Variants in NEGR1 observed in about 807,000 individuals in gnomAD.
The protein encoded by NEGR1 is IgLON family member 4.
In NEGR1, 10 loss-of-function variants were observed where a neutral mutation model predicts 40.9. That is an observed-to-expected ratio of 0.24 (90% CI 0.15 to 0.42). NEGR1 has a LOEUF of 0.42. NEGR1 is among the 10% of genes least tolerant of loss of function. The probability of loss-of-function intolerance (pLI) is 1.00; values close to 1 mark genes in which losing one functional copy is unlikely to be tolerated. For missense variants in NEGR1, 352 were observed against 438.9 expected (o/e 0.80, Z 1.77); for synonymous variants, 185 against 166.8 (o/e 1.11, Z -0.84).
At chr1:71,524,798 G>A (rs1647197964) in intron 6 of NEGR1, among the ~76,000 whole-genome samples, 1 of 151,744 alleles carries the variant, frequency 6.6e-6, no homozygotes, top group South Asian at 2.1e-4. Flanking sequence ...ATTCTTAAAT[G>A]CAAAAGAGGG....
intron 1 of NEGR1, among the ~76,000 whole-genome samples, chr1:72,165,984 C>T (rs995565678): frequency 2.0e-5 from 3 of 151,870 alleles, no homozygotes; most frequent in Non-Finnish European, 4.4e-5. Context: ...ACTTGAACTA[C>T]GTTAGGCAAT....
chr1:71,431,087 T>C, intron 6 of NEGR1, among the ~76,000 whole-genome samples: 1 of 151,820 alleles, frequency 6.6e-6, no homozygotes, highest in African/African-American at 2.4e-5. Context: ...TTTATGACCT[T>C]TTTTTTATGA....
At chr1:71,964,597 C>A (rs1646195281) in intron 1 of NEGR1, among the ~76,000 whole-genome samples, 1 of 152,136 alleles carries the variant, frequency 6.6e-6, no homozygotes. Flanking sequence ...AGGCCCCAGA[C>A]ATTTTTAAGC....
rs1268001178 is a variant in NEGR1 at position 72,207,171 on chromosome 1, CAA to C, written c.176+75146_176+75147del. 2.1e-5 allele frequency among the ~76,000 whole-genome samples: 3 copies of C among 143,404 alleles called. No individual in the cohort carries two copies. In the East Asian group the frequency reaches 6.3e-4, roughly 30 times the overall value. 94.1% of individuals were successfully genotyped at this position (143,404 alleles called of 152,430 possible). A position where few individuals can be genotyped will look rare whatever the true frequency, so the allele number is the denominator to read the frequency against. On this transcript the variant is annotated intron_variant, in intron 1 of 6. Coordinates refer to ENST00000357731, the MANE Select transcript of NEGR1 (RefSeq NM_173808.3). ...TGAAAAAAGAAAAGTTAAAAAAAAA[CAA>C]AAGTCAATATATATGTACCTCAAAC...
intron 1 of NEGR1, among the ~76,000 whole-genome samples, chr1:71,972,041 T>C (rs1420809017): frequency 6.6e-6 from 1 of 152,154 alleles, no homozygotes; most frequent in Non-Finnish European, 1.5e-5. Flanking sequence ...TATCATGGAG[T>C]GTTGCATACC....
intron 2 of NEGR1, among the ~76,000 whole-genome samples, chr1:71,785,080 A>C (rs577120426): frequency 6.6e-6 from 1 of 152,324 alleles, no homozygotes; most frequent in East Asian, 1.9e-4. Context: ...CCAGAATTCA[A>C]ATCACTGCTG....
chr1:72,193,458 G>A (rs1003143991), intron 1 of NEGR1, among the ~76,000 whole-genome samples: 5 of 151,598 alleles, frequency 3.3e-5, no homozygotes, highest in South Asian at 2.1e-4. Flanking sequence ...ATTTGTGGTC[G>A]TGCATTATAA....
intron 1 of NEGR1, among the ~76,000 whole-genome samples, chr1:72,187,791 G>T: frequency 6.6e-6 from 1 of 151,378 alleles, no homozygotes; most frequent in East Asian, 1.9e-4. Flanking sequence ...AACCCCGTTA[G>T]GTTAGGCACT....
rs74759515 is a variant in NEGR1, at chr1:72,007,323, C to A, written c.177-72012G>T. ...CCAAGAGGAAATTTAGGCTTAAATT[C>A]TTTTAAAACTTTCTTCTCTTTTTAA... is the stretch of plus-strand genomic sequence containing the variant. On this transcript the variant is annotated intron_variant, in intron 1 of 6. Transcript: ENST00000357731. 2.3e-4 allele frequency among the ~76,000 whole-genome samples: 34 copies of A among 151,104 alleles called. No individual in the cohort carries two copies. The East Asian group carries it at 6.4e-3, about 28-fold the overall frequency.
intron 6 of NEGR1, chr1:71,468,361 T>C (rs1254526301): frequency 6.6e-6 from 1 of 151,972 alleles, no homozygotes; most frequent in Non-Finnish European, 1.5e-5. Context: ...TTTTAGACCT[T>C]ATCAACCTTG....
intron 2 of NEGR1, among the ~76,000 whole-genome samples, chr1:71,788,393 T>A (rs1220885465): frequency 6.6e-6 from 1 of 152,052 alleles, no homozygotes; most frequent in Non-Finnish European, 1.5e-5. Context: ...TTCAAAAGTA[T>A]ATAAATTATT....
At chr1:71,628,185 G>C (rs1371101524) in intron 4 of NEGR1, among the ~76,000 whole-genome samples, 2 of 151,968 alleles carry the variant, frequency 1.3e-5, no homozygotes, top group East Asian at 3.9e-4. Context: ...AGTGCTCGAG[G>C]TCAAGGATAG....
chr1:72,057,960 C>G (rs1432820149), intron 1 of NEGR1, among the ~76,000 whole-genome samples: 2 of 151,506 alleles, frequency 1.3e-5, no homozygotes, highest in South Asian at 2.1e-4. Flanking sequence ...TGGGGTTTGG[C>G]GCTTCAAGAT....
At chr1:72,278,696 A>G (rs1210780818) in intron 1 of NEGR1, among the ~76,000 whole-genome samples, 1 of 152,044 alleles carries the variant, frequency 6.6e-6, no homozygotes, top group Non-Finnish European at 1.5e-5. Flanking sequence ...TCAGCCCATG[A>G]CACATTAACT....
intron 1 of NEGR1, among the ~76,000 whole-genome samples, chr1:72,173,233 C>A (rs1652028099): frequency 6.6e-6 from 1 of 150,808 alleles, no homozygotes; most frequent in South Asian, 2.1e-4. Flanking sequence ...GTCTCAAACT[C>A]CTGAGTTCAA....
At chr1:71,494,677 T>C (rs891726621) in intron 6 of NEGR1, among the ~76,000 whole-genome samples, 6 of 152,284 alleles carry the variant, frequency 3.9e-5, no homozygotes, top group South Asian at 4.1e-4. Context: ...TTGTGACTTG[T>C]GTCTGAAGTG....
At chr1:71,657,139 C>CA (rs1462355203) in intron 4 of NEGR1, among the ~76,000 whole-genome samples, 3 of 152,166 alleles carry the variant, frequency 2.0e-5, no homozygotes, top group African/African-American at 7.2e-5. Context: ...GCTTTACACT[C>CA]AGACAGTGAA....
chr1:71,657,138 TCAGA>T (rs1263426550), intron 4 of NEGR1, among the ~76,000 whole-genome samples: 7 of 152,172 alleles, frequency 4.6e-5, no homozygotes, highest in African/African-American at 9.6e-5. Flanking sequence ...AGCTTTACAC[TCAGA>T]CAGTGAATCA....
intron 1 of NEGR1, among the ~76,000 whole-genome samples, chr1:72,040,211 T>C (rs1646939517): frequency 2.0e-5 from 3 of 151,908 alleles, no homozygotes; most frequent in Non-Finnish European, 4.4e-5. Flanking sequence ...TTTGTCATAG[T>C]CTTCCCCCGA....
Sources: allele counts gnomAD v4.1 joint callset (sites outside exome capture counted in the v4.1 genomes callset), GRCh38; gene constraint gnomAD v4.1.1; transcripts MANE v1.5; gene names NCBI Gene and HGNC (gene_info 2026-07-23, HGNC 2026-07-21).